PDXDC1: variants seen among roughly 807,000 people sequenced by gnomAD.
The protein encoded by PDXDC1 is pyridoxal dependent decarboxylase domain containing 1.
A neutral mutation model predicts 100.1 loss-of-function variants in PDXDC1; 42 were observed. The ratio of observed to expected loss-of-function variants is 0.42; its 90% CI spans 0.33 to 0.54. The LOEUF (loss-of-function observed/expected upper bound fraction) is 0.54, where lower values mean the gene tolerates loss of function less well. Ranked by LOEUF, PDXDC1 falls within the 20% of genes least tolerant of loss-of-function variation. PDXDC1 has a pLI of 0.10. For missense variants in PDXDC1, 636 were observed against 979.2 expected, an observed-to-expected ratio of 0.65 and a Z score of 4.68; for synonymous variants, 260 against 371.7, an observed-to-expected ratio of 0.70 and a Z score of 3.46.
chr16:15,144,826 G>A, the PDXDC1 span, among the ~76,000 whole-genome samples: 1 of 152,194 alleles, frequency 6.6e-6, no homozygotes. Flanking sequence ...GCTCAAAAAG[G>A]GCCGTTTGGA....
downstream of PDXDC1, chr16:15,040,052 T>G: frequency 6.2e-7 from 1 of 1,605,902 alleles, no homozygotes; most frequent in Non-Finnish European, 8.5e-7. Flanking sequence ...ATCTCTGCAG[T>G]CTTAATGTTG....
intron 16 of PDXDC1, among the ~76,000 whole-genome samples, chr16:15,102,032 G>C (rs141917665): frequency 5.0e-4 from 76 of 152,200 alleles, no homozygotes; most frequent in African/African-American, 1.8e-3. Flanking sequence ...ATTTTTGGTA[G>C]AGACAGGGTT....
intron 16 of PDXDC1, among the ~76,000 whole-genome samples, chr16:15,088,755 G>T (rs1349002682): frequency 6.6e-6 from 1 of 152,162 alleles, no homozygotes; most frequent in African/African-American, 2.4e-5. Flanking sequence ...TGGCAGGCAT[G>T]TATAGTGACC....
downstream of PDXDC1, among the ~76,000 whole-genome samples, chr16:15,140,299 T>A (rs1598290574): frequency 6.9e-6 from 1 of 145,934 alleles, no homozygotes. Context: ...ACAGAATTAG[T>A]TGGGCGTGGT....
At chr16:15,128,136 C>T (rs746016851) in intron 16 of PDXDC1, 55 of 1,610,088 alleles carry the variant, frequency 3.4e-5, no homozygotes, top group Admixed American at 5.0e-5. Flanking sequence ...GGGCTGAGCC[C>T]TGCAGAGGCG....
At chr16:15,140,901 C>T (rs545646416), downstream of PDXDC1, among the ~76,000 whole-genome samples, 11 of 152,252 alleles carry the variant, frequency 7.2e-5, no homozygotes, top group South Asian at 1.0e-3. Flanking sequence ...CCTCCTGCCA[C>T]GGGCCTCTAC....
At chr16:15,140,982 T>C (rs1045040786), downstream of PDXDC1, among the ~76,000 whole-genome samples, 19 of 152,052 alleles carry the variant, frequency 1.2e-4, no homozygotes, top group Non-Finnish European at 2.5e-4. Flanking sequence ...TTCCCAGCAA[T>C]GACCACCCGG....
Position 15,008,858 on chromosome 16 carries a change from C to CTTTTGG in PDXDC1, c.648+15_648+20dup, listed in dbSNP as rs1555553744. The CTTTTGG allele has an allele frequency of 1.1e-5, 18 of 1,612,360 alleles. No homozygotes were observed. In the East Asian group the frequency reaches 4.0e-4, roughly 36 times the overall value. On this transcript the variant is annotated intron_variant, in intron 7 of 22. Transcript: ENST00000396410. Reference sequence around the variant, plus strand: ...TCCCAGCATCAGATGGTGAGTTCTACTTTTGGTTTGTAAAATCATGTGGGA... The same window carrying CTTTTGG: ...TCCCAGCATCAGATGGTGAGTTCTACTTTTGGTTTTGGTTTGTAAAATCATGTGGGA...
chr16:15,009,096 A>G (rs2041041110), intron 7 of PDXDC1, among the ~76,000 whole-genome samples: 1 of 152,296 alleles, frequency 6.6e-6, no homozygotes, highest in South Asian at 2.1e-4. Context: ...AAGTAGAAAC[A>G]TGGCAGCTCA....
intron 1 of PDXDC1, among the ~76,000 whole-genome samples, chr16:14,997,188 TTTTG>T (rs1383839730): frequency 1.5e-4 from 23 of 152,184 alleles, no homozygotes; most frequent in Non-Finnish European, 2.6e-4. Context: ...TTAAATTCTA[TTTTG>T]TTTACTTTTT....
At chr16:15,040,569 G>A (rs573815587), downstream of PDXDC1, 6 of 172,320 alleles carry the variant, frequency 3.5e-5, no homozygotes, top group South Asian at 1.7e-4. Context: ...TGCCTTTTCC[G>A]CGGGAGTCCT....
In PDXDC1 at chr16:15,078,472, A is replaced by G. The variant is rs534370125; in HGVS notation, c.1399+48416A>G. Among the ~76,000 whole-genome samples, 4 of 152,164 alleles carry G rather than the reference A, an allele frequency of 2.6e-5. No individual in the cohort carries two copies. In the East Asian group the frequency reaches 5.8e-4, roughly 22 times the overall value. ...ATGCAGTTTCTGCGTCTTCACTGACATGGTCCTCCAGAAAGCAACAAAGAC... is the reference window on the plus strand; with the variant it reads ...ATGCAGTTTCTGCGTCTTCACTGACGTGGTCCTCCAGAAAGCAACAAAGAC... On this transcript the variant is annotated intron_variant, in intron 16 of 16. Transcript: ENST00000535621.
At chr16:15,042,992 C>G (rs1307007613), downstream of PDXDC1, among the ~76,000 whole-genome samples, 1 of 151,964 alleles carries the variant, frequency 6.6e-6, no homozygotes, top group Non-Finnish European at 1.5e-5. Flanking sequence ...CCTATACCTC[C>G]CGGGTTCAAG....
the PDXDC1 span, among the ~76,000 whole-genome samples, chr16:15,146,018 G>A: frequency 6.6e-6 from 1 of 152,232 alleles, no homozygotes; most frequent in South Asian, 2.1e-4. Flanking sequence ...CCCAAGGTGG[G>A]GGAGCGAGGG....
chr16:15,022,562 G>A (rs2042286197), intron 12 of PDXDC1, 142 bp from the exon 13 acceptor site: 3 of 626,592 alleles, frequency 4.8e-6, no homozygotes, highest in Non-Finnish European at 8.1e-6. Flanking sequence ...TACAAAAACA[G>A]GTGGCTGAAC....
At chr16:14,996,949 C>G (rs1972108244) in intron 1 of PDXDC1, among the ~76,000 whole-genome samples, 1 of 152,276 alleles carries the variant, frequency 6.6e-6, no homozygotes, top group African/African-American at 2.4e-5. Flanking sequence ...AGTGATCTTA[C>G]CAAAGACCAA....
intron 16 of PDXDC1, chr16:15,130,556 C>T: frequency 7.4e-7 from 1 of 1,358,610 alleles, no homozygotes; most frequent in Non-Finnish European, 1.0e-6. Context: ...TGCCTGCCGT[C>T]CCCACAGGGC....
intron 3 of PDXDC1, among the ~76,000 whole-genome samples, chr16:15,000,265 A>G (rs1275127230): frequency 6.6e-6 from 1 of 152,296 alleles, no homozygotes; most frequent in African/African-American, 2.4e-5. Context: ...GAGTGCTACC[A>G]CCCAGCATTC....
At chr16:14,993,678 A>G (rs901177684) in intron 1 of PDXDC1, among the ~76,000 whole-genome samples, 3 of 152,300 alleles carry the variant, frequency 2.0e-5, no homozygotes, top group Non-Finnish European at 2.9e-5. Flanking sequence ...TGGCTGGATC[A>G]AATGGTATTT....
Sources: gnomAD v4.1 joint callset for allele counts (sites outside exome capture counted in the v4.1 genomes callset) on GRCh38, gnomAD v4.1.1 for gene constraint, MANE v1.5 for transcripts, NCBI Gene and HGNC (gene_info 2026-07-23, HGNC 2026-07-21) for gene names.